Variants in ZNF385B observed in about 807,000 individuals in gnomAD.
ZNF385B encodes the protein zinc finger protein 385B.
A neutral mutation model predicts 39.2 loss-of-function variants in ZNF385B; 23 were observed. The observed-to-expected ratio is 0.59, with a 90% confidence interval of 0.42 to 0.83. The LOEUF (loss-of-function observed/expected upper bound fraction) is 0.83, where lower values mean the gene tolerates loss of function less well. Among genes scored for constraint, ZNF385B ranks in the 40% least tolerant of loss-of-function variants. The pLI is 0.00. For synonymous variants in ZNF385B, 205 were observed against 222.6 expected (o/e 0.92, Z 0.70); for missense variants, 552 against 598.9 (o/e 0.92, Z 0.82).
At chr2:179,701,713 C>A (rs1699216307) in intron 3 of ZNF385B, among the ~76,000 whole-genome samples, 1 of 152,170 alleles carries the variant, frequency 6.6e-6, no homozygotes, top group African/African-American at 2.4e-5. Flanking sequence ...ATTTGTTAGT[C>A]ATGCCTGAGA....
intron 6 of ZNF385B, among the ~76,000 whole-genome samples, chr2:179,467,631 T>G (rs1553560498): frequency 6.6e-6 from 1 of 152,150 alleles, no homozygotes; most frequent in Non-Finnish European, 1.5e-5. Flanking sequence ...TGCCTGTAGC[T>G]AAATTCCAGA....
chr2:179,748,970 G>A (rs1702526263), intron 3 of ZNF385B, among the ~76,000 whole-genome samples: 1 of 152,006 alleles, frequency 6.6e-6, no homozygotes. Context: ...TGGAATGTGT[G>A]GCTCTTAGTA....
chr2:179,778,819 C>A (rs1473714119), intron 1 of ZNF385B, among the ~76,000 whole-genome samples: 1 of 152,066 alleles, frequency 6.6e-6, no homozygotes, highest in Admixed American at 6.6e-5. Flanking sequence ...CATATTCCTA[C>A]CAAAGTGAAC....
At chr2:179,492,913 G>T (rs1252076191) in intron 5 of ZNF385B, among the ~76,000 whole-genome samples, 1 of 152,088 alleles carries the variant, frequency 6.6e-6, no homozygotes. Context: ...GTAGTAAAGT[G>T]CCAGATTAAA....
At position 179,703,424 on chromosome 2, in the gene ZNF385B, C is replaced by T. The variant is rs1699358640; in HGVS notation, c.298+66079G>A. Among the ~76,000 whole-genome samples, 3 of 152,274 alleles carry T rather than the reference C, an allele frequency of 2.0e-5. No homozygotes were observed. In the South Asian group the frequency reaches 6.2e-4, roughly 32 times the overall value. On this transcript the variant is annotated intron_variant, in intron 3 of 9. Transcript: ENST00000410066. ...AAACCCTCTTCCTTAATTTTCTTTC[C>T]TTAGTACTCACCACTCTTTAACATA...
chr2:179,666,320 G>T (rs1323916516), intron 3 of ZNF385B, among the ~76,000 whole-genome samples: 1 of 152,114 alleles, frequency 6.6e-6, no homozygotes, highest in Non-Finnish European at 1.5e-5. Context: ...CGTCTGAGAG[G>T]CATATGGCAA....
At chr2:179,750,274 A>C (rs1434778255) in intron 3 of ZNF385B, among the ~76,000 whole-genome samples, 1 of 152,146 alleles carries the variant, frequency 6.6e-6, no homozygotes, top group African/African-American at 2.4e-5. Context: ...CTCATTCCCA[A>C]GGAACTTCAA....
chr2:179,641,204 T>G (rs79317655), intron 3 of ZNF385B, among the ~76,000 whole-genome samples: 1 of 1,712 alleles, frequency 5.8e-4, no homozygotes, highest in Non-Finnish European at 1.7e-3. Context: ...CCATCTGCTA[T>G]AAAACGTTTT....
chr2:179,573,540 G>A (rs1685470289), intron 3 of ZNF385B, among the ~76,000 whole-genome samples: 1 of 152,004 alleles, frequency 6.6e-6, no homozygotes, highest in South Asian at 2.1e-4. Context: ...ATGAATATTT[G>A]TTTGTTTTAT....
intron 3 of ZNF385B, among the ~76,000 whole-genome samples, chr2:179,663,072 C>T (rs1441240016): frequency 6.6e-6 from 1 of 152,022 alleles, no homozygotes; most frequent in African/African-American, 2.4e-5. Context: ...TTGTTTTTGC[C>T]TAAGGCCAAT....
At chr2:179,494,189 T>C (rs1240791581) in intron 5 of ZNF385B, among the ~76,000 whole-genome samples, 1 of 152,146 alleles carries the variant, frequency 6.6e-6, no homozygotes, top group African/African-American at 2.4e-5. Context: ...ACCAGGTAGA[T>C]ATCTGGGAGA....
At chr2:179,612,658 C>A (rs149457754) in intron 3 of ZNF385B, among the ~76,000 whole-genome samples, 6 of 152,276 alleles carry the variant, frequency 3.9e-5, no homozygotes, top group African/African-American at 7.2e-5. Flanking sequence ...ACTGGGACTG[C>A]GCTGTGTCAG....
chr2:179,706,304 G>A (rs1056965972), intron 3 of ZNF385B, among the ~76,000 whole-genome samples: 1 of 152,092 alleles, frequency 6.6e-6, no homozygotes, highest in Admixed American at 6.6e-5. Flanking sequence ...TTTTACAAGC[G>A]GTAGCAGTTC....
At chr2:179,812,026 A>G (rs1481538368) in intron 1 of ZNF385B, among the ~76,000 whole-genome samples, 1 of 152,202 alleles carries the variant, frequency 6.6e-6, no homozygotes. Flanking sequence ...AGTGGCCAAT[A>G]AACTATGAAA....
chr2:179,643,131 G>T (rs199576444), intron 3 of ZNF385B, among the ~76,000 whole-genome samples: 2 of 150,384 alleles, frequency 1.3e-5, no homozygotes, highest in African/African-American at 2.4e-5. Context: ...AACTATTTTT[G>T]TTTTTTTTTG....
intron 1 of ZNF385B, among the ~76,000 whole-genome samples, chr2:179,817,665 C>CTGTGTG (rs3085981): frequency 0.011 from 1,709 of 149,616 alleles, 28 homozygotes; most frequent in African/African-American, 0.03. Context: ...GTGTAACCCT[C>CTGTGTG]TGTGTGTGTG....
intron 3 of ZNF385B, among the ~76,000 whole-genome samples, chr2:179,580,839 T>C (rs1031222369): frequency 2.6e-5 from 4 of 152,212 alleles, no homozygotes; most frequent in African/African-American, 9.7e-5. Context: ...ATCCGTCACA[T>C]TGCAAAGAGC....
intron 3 of ZNF385B, among the ~76,000 whole-genome samples, chr2:179,760,636 T>C (rs1278343559): frequency 6.6e-6 from 1 of 152,130 alleles, no homozygotes; most frequent in Non-Finnish European, 1.5e-5. Flanking sequence ...ACAAAAAGGC[T>C]CATTGCAGAT....
intron 1 of ZNF385B, among the ~76,000 whole-genome samples, chr2:179,803,333 A>C (rs949330501): frequency 2.6e-5 from 4 of 152,168 alleles, no homozygotes; most frequent in African/African-American, 9.6e-5. Context: ...AAAAAAACAG[A>C]CAAAGTAATC....
Sources: gnomAD v4.1 joint callset for allele counts (sites outside exome capture counted in the v4.1 genomes callset) on GRCh38, gnomAD v4.1.1 for gene constraint, MANE v1.5 for transcripts, NCBI Gene and HGNC (gene_info 2026-07-23, HGNC 2026-07-21) for gene names.